Variants in NKAIN2 observed in about 807,000 individuals in gnomAD.
NKAIN2 encodes the protein sodium/potassium-transporting ATPase subunit beta-1-interacting protein 2.
Under a neutral mutation model 32.6 loss-of-function variants are expected in NKAIN2, and 14 were observed. The observed-to-expected ratio is 0.43, with a 90% CI of 0.28 to 0.67. NKAIN2 has a LOEUF of 0.67. Among genes scored for constraint, NKAIN2 ranks in the 30% least tolerant of loss-of-function variants. The probability of loss-of-function intolerance (pLI) is 0.17; values close to 1 mark genes in which losing one functional copy is unlikely to be tolerated. For synonymous variants in NKAIN2, 80 were observed against 87.2 expected, an observed-to-expected ratio of 0.92 and a Z score of 0.46; for missense variants, 198 against 258.3, an observed-to-expected ratio of 0.77 and a Z score of 1.60.
Position 124,437,579 on chromosome 6 carries a change from A to G in NKAIN2, c.273+82232A>G, listed in dbSNP as rs528601231. ...TGTCTCTGTCTTTTCTACCTATCTC[A>G]TTCAACAATATGGAACAAGAGTTAG... On this transcript the variant is annotated intron_variant, in intron 3 of 6. Coordinates refer to ENST00000368417, the MANE Select transcript of NKAIN2 (RefSeq NM_001040214.3). 4.0e-5 allele frequency among the ~76,000 whole-genome samples: 6 copies of G among 151,512 alleles called. No individual in the cohort carries two copies. The East Asian group carries it at 9.7e-4, about 24-fold the overall frequency.
At chr6:124,143,413 C>A (rs1453942432) in intron 1 of NKAIN2, among the ~76,000 whole-genome samples, 2 of 152,158 alleles carry the variant, frequency 1.3e-5, no homozygotes, top group Admixed American at 6.5e-5. Context: ...TGAGTTATGA[C>A]TGTGCTACTG....
intron 1 of NKAIN2, among the ~76,000 whole-genome samples, chr6:124,135,534 A>G (rs903094923): frequency 1.0e-4 from 15 of 149,130 alleles, no homozygotes; most frequent in East Asian, 5.9e-4. Flanking sequence ...AAAAAAAAAA[A>G]AAGAAGACAT....
At chr6:124,307,727 T>C (rs188531214) in intron 2 of NKAIN2, among the ~76,000 whole-genome samples, 26 of 152,290 alleles carry the variant, frequency 1.7e-4, no homozygotes, top group Non-Finnish European at 2.2e-4. Flanking sequence ...TTTATTAAAA[T>C]ATGACAGCTT....
At chr6:124,075,858 A>G (rs1423031577) in intron 1 of NKAIN2, among the ~76,000 whole-genome samples, 1 of 152,084 alleles carries the variant, frequency 6.6e-6, no homozygotes, top group East Asian at 1.9e-4. Flanking sequence ...AGCCTCTCAA[A>G]CTGCTGTGAT....
intron 1 of NKAIN2, among the ~76,000 whole-genome samples, chr6:124,229,621 A>G (rs1290182737): frequency 6.6e-6 from 1 of 152,158 alleles, no homozygotes; most frequent in East Asian, 1.9e-4. Flanking sequence ...CTTAATTCCC[A>G]TATGTTGTGG....
intron 3 of NKAIN2, among the ~76,000 whole-genome samples, chr6:124,415,877 GCTTTTTTTT>G (rs2114515547): frequency 2.5e-5 from 1 of 40,816 alleles, no homozygotes; most frequent in South Asian, 9.4e-4. Context: ...TTTTTTATTT[GCTTTTTTTT>G]TTTTTTTTTG....
intron 1 of NKAIN2, among the ~76,000 whole-genome samples, chr6:124,277,019 A>G (rs185933042): frequency 9.8e-5 from 15 of 152,298 alleles, no homozygotes; most frequent in African/African-American, 3.4e-4. Flanking sequence ...CTGTACTGAG[A>G]AGTTGGGCAC....
At chr6:124,001,897 C>G (rs868524868) in intron 1 of NKAIN2, among the ~76,000 whole-genome samples, 1 of 149,520 alleles carries the variant, frequency 6.7e-6, no homozygotes, top group African/African-American at 2.5e-5. Flanking sequence ...ATTTGCCATG[C>G]GTTAATTATC....
intron 3 of NKAIN2, among the ~76,000 whole-genome samples, chr6:124,428,588 A>G (rs1775079312): frequency 6.6e-6 from 1 of 152,214 alleles, no homozygotes; most frequent in African/African-American, 2.4e-5. Context: ...GAAAAAACAG[A>G]AGCAAAATAT....
In NKAIN2 at chr6:124,522,814, A is replaced by G. The variant is rs113641173; in HGVS notation, c.274-135372A>G. Reference sequence around the variant, plus strand: ...TGTTACATTTCAGGGGAGAAAGGGTATATATGTTTTATGAGGTTTTTTTGT... The same window carrying G: ...TGTTACATTTCAGGGGAGAAAGGGTGTATATGTTTTATGAGGTTTTTTTGT... On this transcript the variant is annotated intron_variant, in intron 3 of 6. Transcript: ENST00000368417. Among the ~76,000 whole-genome samples, 1,020 of 152,250 alleles carry G rather than the reference A, an allele frequency of 6.7e-3. 8 individuals carry two copies. The highest frequency in any genetic ancestry group is 0.023 in the African/African-American group (973 of 41,560).
intron 3 of NKAIN2, among the ~76,000 whole-genome samples, chr6:124,504,904 A>T (rs1226776340): frequency 6.6e-6 from 1 of 152,218 alleles, no homozygotes; most frequent in East Asian, 1.9e-4. Flanking sequence ...CTGGGAAACC[A>T]GATATTTGTA....
intron 3 of NKAIN2, among the ~76,000 whole-genome samples, chr6:124,385,185 C>T (rs17051777): frequency 0.12 from 18,870 of 152,014 alleles, 1,302 homozygotes; most frequent in African/African-American, 0.17. Flanking sequence ...TTTCTTTTAG[C>T]CAGCTATGAG....
At position 124,712,367 on chromosome 6, in the gene NKAIN2, CTTTG is replaced by C. The variant is rs775589706; in HGVS notation, c.474+53985_474+53988del. On this transcript the variant is annotated intron_variant, in intron 4 of 6. Coordinates refer to ENST00000368417, the MANE Select transcript of NKAIN2 (RefSeq NM_001040214.3). ...CCGCCCAGTTGGAGCTTTCTGGCTG[CTTTG>C]TTTACCTAATCAAGCCTGGGCAATG... 3.5e-3 allele frequency among the ~76,000 whole-genome samples: 409 copies of C among 115,526 alleles called. 113 individuals carry two copies. Among genetic ancestry groups the C allele is most frequent in the Non-Finnish European group, 2.9e-3 (157 of 54,464 alleles). The allele number at this position is 115,526 out of a possible 152,430, so 75.8% of individuals were successfully genotyped here.
chr6:124,504,101 G>C (rs959021516), intron 3 of NKAIN2, among the ~76,000 whole-genome samples: 1 of 151,978 alleles, frequency 6.6e-6, no homozygotes, highest in African/African-American at 2.4e-5. Context: ...GTGTATATAT[G>C]TATACACATA....
At chr6:123,902,529 A>G (rs1468238204) in intron 1 of NKAIN2, among the ~76,000 whole-genome samples, 1 of 152,122 alleles carries the variant, frequency 6.6e-6, no homozygotes, top group East Asian at 1.9e-4. Context: ...CCCACCTAAT[A>G]TTGTTATTGA....
intron 1 of NKAIN2, among the ~76,000 whole-genome samples, chr6:123,985,274 C>T (rs1431695017): frequency 6.6e-6 from 1 of 152,052 alleles, no homozygotes; most frequent in Non-Finnish European, 1.5e-5. Context: ...GTGGTGGGTG[C>T]CTGTAATCCC....
chr6:124,476,047 TGAGAGAGA>T (rs529640624), intron 3 of NKAIN2, among the ~76,000 whole-genome samples: 1 of 138,702 alleles, frequency 7.2e-6, no homozygotes, highest in East Asian at 2.1e-4. Flanking sequence ...AGTGTGTGTG[TGAGAGAGA>T]GAGAGAGAGA....
chr6:123,850,591 C>G (rs183170703), intron 1 of NKAIN2, among the ~76,000 whole-genome samples: 1 of 152,038 alleles, frequency 6.6e-6, no homozygotes, highest in Non-Finnish European at 1.5e-5. Flanking sequence ...CTTTGTTTCA[C>G]TTTGTAATTT....
intron 3 of NKAIN2, among the ~76,000 whole-genome samples, chr6:124,614,415 C>G (rs1313084203): frequency 6.6e-6 from 1 of 152,102 alleles, no homozygotes; most frequent in Non-Finnish European, 1.5e-5. Context: ...ATCATCCACC[C>G]ATATCCTTTG....
Sources: gnomAD v4.1 joint callset for allele counts (sites outside exome capture counted in the v4.1 genomes callset) on GRCh38, gnomAD v4.1.1 for gene constraint, MANE v1.5 for transcripts, NCBI Gene and HGNC (gene_info 2026-07-23, HGNC 2026-07-21) for gene names.